The following ADAMTS17 variants were observed in gnomAD, a reference collection of about 807,000 sequenced individuals.
The protein encoded by ADAMTS17 is A disintegrin and metalloproteinase with thrombospondin motifs 17.
A neutral mutation model predicts 141.5 loss-of-function variants in ADAMTS17; 113 were observed. The ratio of observed to expected loss-of-function variants is 0.80; its 90% CI spans 0.69 to 0.93. The LOEUF is 0.93. ADAMTS17 is among the 40% of genes least tolerant of loss of function. The pLI is 0.00. For synonymous variants in ADAMTS17, 768 were observed against 630.6 expected, an observed-to-expected ratio of 1.22 and a Z score of -3.27; for missense variants, 1,659 against 1,517.9, an observed-to-expected ratio of 1.09 and a Z score of -1.54.
intron 15 of ADAMTS17, among the ~76,000 whole-genome samples, chr15:100,056,061 A>C (rs2032540082): frequency 6.6e-6 from 1 of 152,240 alleles, no homozygotes; most frequent in African/African-American, 2.4e-5. Context: ...GCCTGTTTTC[A>C]AAAAGGACAA....
At position 100,311,049 on chromosome 15, in the gene ADAMTS17, C is replaced by G. The variant is rs1173528746; in HGVS notation, c.616+19840G>C. On this transcript the variant is annotated intron_variant, in intron 3 of 21. Transcript: ENST00000268070. ...ATGAGAAATTCATGTACTGAGAAGG[C>G]TAGACCTTTTTGCAGAGGAAAAAAT... Among the ~76,000 whole-genome samples the G allele has an allele frequency of 2.0e-5, 3 of 152,208 alleles. No homozygotes were observed. In the East Asian group the frequency reaches 5.8e-4, roughly 29 times the overall value.
chr15:100,148,827 A>T (rs75785080), intron 10 of ADAMTS17, among the ~76,000 whole-genome samples: 1 of 138,384 alleles, frequency 7.2e-6, no homozygotes, highest in East Asian at 2.1e-4. Flanking sequence ...AGCTTATATT[A>T]AAAAAAAAAA....
At chr15:100,049,782 G>A (rs2031998783) in intron 17 of ADAMTS17, among the ~76,000 whole-genome samples, 1 of 152,176 alleles carries the variant, frequency 6.6e-6, no homozygotes, top group Non-Finnish European at 1.5e-5. Flanking sequence ...AGTGGCCATA[G>A]TGTCAACAGT....
chr15:100,017,809 C>T (rs913846093), intron 18 of ADAMTS17, among the ~76,000 whole-genome samples: 1 of 152,164 alleles, frequency 6.6e-6, no homozygotes, highest in African/African-American at 2.4e-5. Context: ...TCTAGATTAT[C>T]ACCATCATCA....
At chr15:100,177,591 T>C (rs2040381095) in intron 8 of ADAMTS17, among the ~76,000 whole-genome samples, 1 of 152,228 alleles carries the variant, frequency 6.6e-6, no homozygotes, top group South Asian at 2.1e-4. Flanking sequence ...GAATGTTCCA[T>C]GACAGCTTGA....
At chr15:100,271,111 T>C (rs1481545247) in intron 4 of ADAMTS17, among the ~76,000 whole-genome samples, 2 of 152,186 alleles carry the variant, frequency 1.3e-5, no homozygotes, top group Admixed American at 6.5e-5. Flanking sequence ...TATTCCATTA[T>C]ACCTATACGC....
At chr15:100,020,830 T>A (rs559456945) in intron 18 of ADAMTS17, among the ~76,000 whole-genome samples, 2 of 152,132 alleles carry the variant, frequency 1.3e-5, no homozygotes, top group Non-Finnish European at 2.9e-5. Flanking sequence ...CTGACTCAAG[T>A]GACTAAGGGT....
chr15:100,156,560 T>C (rs1000816291), intron 8 of ADAMTS17, among the ~76,000 whole-genome samples: 2 of 152,234 alleles, frequency 1.3e-5, no homozygotes, highest in South Asian at 2.1e-4. Context: ...CAATCTTCCA[T>C]TGTATTTATT....
intron 7 of ADAMTS17, among the ~76,000 whole-genome samples, chr15:100,240,677 CAG>C (rs1227255316): frequency 6.6e-6 from 1 of 152,246 alleles, no homozygotes. Context: ...ACCCAGAACT[CAG>C]TCCTTTTCTT....
chr15:100,340,069 G>A (rs1333910742), intron 2 of ADAMTS17, among the ~76,000 whole-genome samples: 1 of 152,256 alleles, frequency 6.6e-6, no homozygotes, highest in Non-Finnish European at 1.5e-5. Flanking sequence ...CCTCCCCAGA[G>A]GCCAGTCATG....
intron 8 of ADAMTS17, among the ~76,000 whole-genome samples, chr15:100,170,112 C>A (rs879626744): frequency 6.6e-6 from 1 of 152,064 alleles, no homozygotes; most frequent in Non-Finnish European, 1.5e-5. Context: ...TACGTGGGCA[C>A]CAAGTCCACA....
At chr15:100,105,203 T>C (rs1327671515) in intron 14 of ADAMTS17, among the ~76,000 whole-genome samples, 1 of 152,216 alleles carries the variant, frequency 6.6e-6, no homozygotes, top group Non-Finnish European at 1.5e-5. Context: ...GTTACCAGGG[T>C]GCAGCCACCC....
chr15:99,990,626 C>CTT (rs10593374), intron 20 of ADAMTS17, among the ~76,000 whole-genome samples: 19 of 138,524 alleles, frequency 1.4e-4, no homozygotes, highest in South Asian at 2.3e-4. Flanking sequence ...GGAAATTTGG[C>CTT]TTTTTTTTTT....
In ADAMTS17 at chr15:100,131,923, C is replaced by T. The variant is rs1596515446; in HGVS notation, c.1721+84G>A. 3.7e-6 allele frequency: 6 copies of T among 1,600,956 alleles called. No homozygotes were observed. In the East Asian group the frequency reaches 8.9e-5, roughly 24 times the overall value. Reference sequence around the variant, plus strand: ...CTTCTAATGCTCAGCGGGAGACAGACCCTGCTTTGTGTGAGGCAGCGAGAG... The same window carrying T: ...CTTCTAATGCTCAGCGGGAGACAGATCCTGCTTTGTGTGAGGCAGCGAGAG... On this transcript the variant is annotated intron_variant, in intron 12 of 21. Transcript: ENST00000268070.
At chr15:100,244,561 T>C (rs2042929720) in intron 7 of ADAMTS17, among the ~76,000 whole-genome samples, 5 of 151,774 alleles carry the variant, frequency 3.3e-5, no homozygotes, top group Admixed American at 3.3e-4. Flanking sequence ...TGAGATCGGA[T>C]GGTTTCATAA....
At position 100,255,137 on chromosome 15, in the gene ADAMTS17, G is replaced by T. The variant is rs368182800; in HGVS notation, c.1032-958C>A. Among the ~76,000 whole-genome samples the T allele has an allele frequency of 6.3e-4, 96 of 152,296 alleles. No individual in the cohort carries two copies. The South Asian group carries it at 0.018, about 29-fold the overall frequency. On this transcript the variant is annotated intron_variant, in intron 6 of 21. Transcript: ENST00000268070. ...AGCCCTGGTTCTGCAAGTACAAGGG[G>T]TTCATCTGGCCTGCTGTGGGGAAAC... is the stretch of plus-strand genomic sequence containing the variant.
chr15:99,997,384 C>T lies in ADAMTS17; in HGVS notation c.2796+1G>A. On this transcript the variant is annotated splice_donor_variant, in intron 19 of 21. Coordinates refer to ENST00000268070, the MANE Select transcript of ADAMTS17 (RefSeq NM_139057.4). LOFTEE classifies it high-confidence loss of function. This position sits in a 1 kb window ranked among gnomAD's most constrained non-coding sequence, Gnocchi z 4.7. ...TCCTGGTGGCAAGCCCAGGCACCCA[C>T]CTGTGACCACTCAGACGCCTCCCAG... 6.2e-7 allele frequency: 1 copy of T among 1,613,730 alleles called. No homozygotes were observed. Among genetic ancestry groups the T allele is most frequent in the South Asian group, 1.1e-5 (1 of 91,086 alleles).
At chr15:100,234,787 G>A (rs537080988) in intron 7 of ADAMTS17, among the ~76,000 whole-genome samples, 1 of 152,270 alleles carries the variant, frequency 6.6e-6, no homozygotes, top group Admixed American at 6.5e-5. Flanking sequence ...CATTCCATCA[G>A]CAGCTGAGCC....
chr15:100,182,123 G>T (rs757394305), intron 8 of ADAMTS17, among the ~76,000 whole-genome samples: 1 of 152,142 alleles, frequency 6.6e-6, no homozygotes, highest in Non-Finnish European at 1.5e-5. Flanking sequence ...CCCGAGTCTG[G>T]GTAATTTATA....
Sources: allele counts gnomAD v4.1 joint callset (sites outside exome capture counted in the v4.1 genomes callset), GRCh38; gene constraint gnomAD v4.1.1; non-coding constraint Gnocchi (gnomAD v3.1); transcripts MANE v1.5; gene names NCBI Gene and HGNC (gene_info 2026-07-23, HGNC 2026-07-21).